NRG1: variants seen among roughly 807,000 people sequenced by gnomAD.
NRG1 encodes pro-neuregulin-1, membrane-bound isoform.
In NRG1, 18 loss-of-function variants were observed where a neutral mutation model predicts 63.8. The ratio of observed to expected loss-of-function variants is 0.28; its 90% CI spans 0.19 to 0.42. NRG1 has a LOEUF of 0.42. Among genes scored for constraint, NRG1 ranks in the 10% least tolerant of loss-of-function variants. The pLI is 1.00. For synonymous variants in NRG1, 302 were observed against 301.3 expected (o/e 1.00, Z -0.02); for missense variants, 762 against 814.7 (o/e 0.94, Z 0.79).
chr8:31,802,727 A>T (rs944898063), intron 1 of NRG1, among the ~76,000 whole-genome samples: 7 of 152,180 alleles, frequency 4.6e-5, no homozygotes, highest in Middle Eastern at 3.2e-3. Context: ...TAAACCCAGG[A>T]CCAAGAAGAG....
At chr8:32,109,299 A>G (rs755877447) in intron 1 of NRG1, among the ~76,000 whole-genome samples, 6 of 152,196 alleles carry the variant, frequency 3.9e-5, no homozygotes, top group Non-Finnish European at 7.3e-5. Context: ...ACAATAGATC[A>G]TGATTAGCTC....
chr8:31,969,324 T>C lies in NRG1; in HGVS notation c.37+329893T>C, dbSNP rs891798015. ...TAATACTAATATCATTTTGGGATCA[T>C]TTTTTAAAGCAGTAAAAGACTTTAT... is the stretch of plus-strand genomic sequence containing the variant. On this transcript the variant is annotated intron_variant, in intron 1 of 10. Coordinates refer to the NRG1 transcript ENST00000519301. Among the ~76,000 whole-genome samples, 30 of 152,224 alleles carry C rather than the reference T, an allele frequency of 2.0e-4. 1 individual carries two copies. The highest frequency in any genetic ancestry group is 6.3e-4 in the African/African-American group (26 of 41,462).
At chr8:32,179,046 G>A (rs971183396) in intron 1 of NRG1, among the ~76,000 whole-genome samples, 14 of 151,930 alleles carry the variant, frequency 9.2e-5, no homozygotes, top group Non-Finnish European at 1.5e-4. Flanking sequence ...TTCATAGCTC[G>A]GCTATGATTT....
chr8:32,730,032 G>T (rs1823240988), intron 6 of NRG1, among the ~76,000 whole-genome samples: 1 of 152,306 alleles, frequency 6.6e-6, no homozygotes, highest in Non-Finnish European at 1.5e-5. Flanking sequence ...GTGAATAAAA[G>T]ACTTAGAGCC....
At chr8:32,546,174 G>A (rs1036071185), upstream of NRG1, among the ~76,000 whole-genome samples, 3 of 152,038 alleles carry the variant, frequency 2.0e-5, no homozygotes, top group Non-Finnish European at 4.4e-5. Flanking sequence ...TCACAAAATC[G>A]TAGGCTCTTC....
intron 1 of NRG1, among the ~76,000 whole-genome samples, chr8:32,304,590 TA>T (rs1188626318): frequency 3.0e-5 from 4 of 135,552 alleles, no homozygotes; most frequent in African/African-American, 9.9e-5. Flanking sequence ...AAAGTATTCT[TA>T]GTAAAAAAAA....
At chr8:32,301,847 T>G (rs1391135805) in intron 1 of NRG1, among the ~76,000 whole-genome samples, 1 of 152,072 alleles carries the variant, frequency 6.6e-6, no homozygotes, top group Non-Finnish European at 1.5e-5. Context: ...CACTTCAACA[T>G]GAGATTTGGG....
chr8:32,585,917 C>G (rs1420416285), intron 1 of NRG1, among the ~76,000 whole-genome samples: 1 of 152,040 alleles, frequency 6.6e-6, no homozygotes, highest in African/African-American at 2.4e-5. Context: ...AGTCAAACTT[C>G]CTGGGTTCAG....
chr8:32,750,710 C>CAAAAAAA lies in NRG1; in HGVS notation c.692-3648_692-3642dup, dbSNP rs34624230. 1.9e-3 allele frequency among the ~76,000 whole-genome samples: 241 copies of CAAAAAAA among 124,312 alleles called. 1 individual carries two copies. The highest frequency in any genetic ancestry group is 6.5e-3 in the African/African-American group (209 of 31,938). 81.6% of individuals were successfully genotyped at this position (124,312 alleles called of 152,430 possible). On this transcript the variant is annotated intron_variant, in intron 7 of 11. Transcript: ENST00000356819. ...CTCAATGGGTTGCCCATTTCTTCCT[C>CAAAAAAA]AAAAAAAAAAAAAAAAAAAATCAGG...
intron 1 of NRG1, among the ~76,000 whole-genome samples, chr8:31,785,532 T>C (rs1259891005): frequency 6.6e-6 from 1 of 152,164 alleles, no homozygotes; most frequent in Admixed American, 6.6e-5. Flanking sequence ...TATTGAGATA[T>C]AGCTTCTCAA....
intron 1 of NRG1, among the ~76,000 whole-genome samples, chr8:32,185,495 A>G (rs1841882408): frequency 6.6e-6 from 1 of 152,352 alleles, no homozygotes; most frequent in East Asian, 1.9e-4. Context: ...TAAGGTTACG[A>G]TAGCACAATT....
rs1331166363 is a variant in NRG1, at chr8:32,761,774, C to T, written c.1259+1368C>T. On this transcript the variant is annotated intron_variant, in intron 11 of 11. Transcript: ENST00000356819. Reference sequence around the variant, plus strand: ...AAAAATGACAGGCTGGGCACGGTGGCTCACGCCTCTAATCCCAGCACTTTG... The same window carrying T: ...AAAAATGACAGGCTGGGCACGGTGGTTCACGCCTCTAATCCCAGCACTTTG... Among the ~76,000 whole-genome samples, 6 of 152,010 alleles carry T rather than the reference C, an allele frequency of 3.9e-5. No individual in the cohort carries two copies. In the East Asian group the frequency reaches 1.2e-3, roughly 29 times the overall value.
chr8:32,591,223 A>G (rs1842472202), intron 1 of NRG1, among the ~76,000 whole-genome samples: 1 of 152,192 alleles, frequency 6.6e-6, no homozygotes, highest in African/African-American at 2.4e-5. Flanking sequence ...CGCAGCAGGG[A>G]CATTATTACA....
rs564241326 is a variant in NRG1, at chr8:32,570,986, T to G, written c.100+22160T>G. ...CCATATTATGTATGAAAGAAGAGCA[T>G]AGTTTATGTGTGAATATATGGGCAA... On this transcript the variant is annotated intron_variant, in intron 1 of 11. Transcript: ENST00000356819. Among the ~76,000 whole-genome samples the G allele has an allele frequency of 5.3e-5, 8 of 152,332 alleles. No individual in the cohort carries two copies. In the South Asian group the frequency reaches 1.2e-3, roughly 24 times the overall value.
intron 5 of NRG1, among the ~76,000 whole-genome samples, chr8:32,674,526 G>A (rs1334100230): frequency 6.6e-6 from 1 of 152,080 alleles, no homozygotes; most frequent in East Asian, 1.9e-4. Flanking sequence ...AAAAACCTTG[G>A]GACAATGTCA....
chr8:32,623,728 G>T (rs2129542883), intron 5 of NRG1, among the ~76,000 whole-genome samples: 1 of 152,194 alleles, frequency 6.6e-6, no homozygotes, highest in East Asian at 1.9e-4. Context: ...CTTTTATTCT[G>T]TATATGAATA....
At chr8:31,856,810 T>G (rs111823531) in intron 1 of NRG1, among the ~76,000 whole-genome samples, 6,156 of 152,174 alleles carry the variant, frequency 0.04, 395 homozygotes, top group African/African-American at 0.14. Context: ...GTCCTTTCTG[T>G]TTGTTAGTTT....
chr8:32,203,133 A>G (rs532376128), intron 1 of NRG1, among the ~76,000 whole-genome samples: 1 of 151,270 alleles, frequency 6.6e-6, no homozygotes, highest in Non-Finnish European at 1.5e-5. Context: ...GTGGTCCTGA[A>G]CGCAGCCCTG....
intron 5 of NRG1, among the ~76,000 whole-genome samples, chr8:32,670,929 G>C (rs1424195755): frequency 5.3e-5 from 8 of 152,104 alleles, no homozygotes; most frequent in African/African-American, 1.9e-4. Flanking sequence ...TGATTTGTCA[G>C]TTAAAAATAA....
Sources: gnomAD v4.1 joint callset for allele counts (sites outside exome capture counted in the v4.1 genomes callset) on GRCh38, gnomAD v4.1.1 for gene constraint, MANE v1.5 for transcripts, NCBI Gene and HGNC (gene_info 2026-07-23, HGNC 2026-07-21) for gene names.